Variants in BTD observed in about 807,000 individuals in gnomAD.
The protein encoded by BTD is biotinidase, also known as biocytinase.
In BTD, 13 loss-of-function variants were observed where a neutral mutation model predicts 17.7. That is an observed-to-expected ratio of 0.74 (90% confidence interval 0.48 to 1.17). BTD has a LOEUF of 1.17. BTD is among the 50% of genes most tolerant of loss of function. BTD has a pLI of 0.00. For missense variants in BTD, 674 were observed against 650.4 expected (o/e 1.04, Z -0.39); for synonymous variants, 240 against 245.2 (o/e 0.98, Z 0.20).
chr3:15,643,357 T>A (rs758104785), intron 3 of BTD, among the ~76,000 whole-genome samples: 15 of 152,220 alleles, frequency 9.9e-5, no homozygotes, highest in Non-Finnish European at 1.8e-4. Context: ...AAAAATTAGC[T>A]GGGTGTGGTG....
chr3:15,607,902 G>A (rs1452492169), intron 1 of BTD, among the ~76,000 whole-genome samples: 1 of 152,200 alleles, frequency 6.6e-6, no homozygotes, highest in African/African-American at 2.4e-5. Flanking sequence ...GTAATGAAAA[G>A]GTTCTTTGAA....
At chr3:15,601,548 C>T, upstream of BTD, 4 of 1,604,690 alleles carry the variant, frequency 2.5e-6, no homozygotes, top group Non-Finnish European at 3.4e-6. Flanking sequence ...CGGCAGCACG[C>T]CACCTCTGGT....
chr3:15,652,931 A>G lies in BTD; in HGVS notation c.*7443A>G, dbSNP rs1411151135. 6.6e-6 allele frequency among the ~76,000 whole-genome samples: 1 copy of G among 152,168 alleles called. No individual in the cohort carries two copies. Among genetic ancestry groups the G allele is most frequent in the African/African-American group, 2.4e-5 (1 of 41,400 alleles). On this transcript the variant is annotated 3_prime_UTR_variant, in exon 4 of 4. Coordinates refer to ENST00000643237, the MANE Select transcript of BTD (RefSeq NM_001370658.1). Reference sequence around the variant, plus strand: ...CAGGGAGATGTTCTCAGATAGAGGGAGAACAACAAAAAGAAGGGTCCATGC... The same window carrying G: ...CAGGGAGATGTTCTCAGATAGAGGGGGAACAACAAAAAGAAGGGTCCATGC...
At chr3:15,627,367 T>C (rs1323221750) in intron 1 of BTD, among the ~76,000 whole-genome samples, 1 of 152,182 alleles carries the variant, frequency 6.6e-6, no homozygotes, top group African/African-American at 2.4e-5. Flanking sequence ...GGACTACAAG[T>C]GCATGCCACC....
chr3:15,699,546 AAAAC>A (rs2070227386), intron 3 of BTD, among the ~76,000 whole-genome samples: 1 of 151,648 alleles, frequency 6.6e-6, no homozygotes, highest in African/African-American at 2.4e-5. Context: ...TCACAAGAAA[AAAAC>A]AACCCCATGA....
chr3:15,713,633 T>C (rs1327814911), downstream of BTD: 2 of 1,601,412 alleles, frequency 1.2e-6, no homozygotes, highest in Admixed American at 1.7e-5. Context: ...TCACAGTCGA[T>C]TACAGCTCCT....
At chr3:15,626,761 A>G (rs2065074583) in intron 1 of BTD, among the ~76,000 whole-genome samples, 2 of 148,858 alleles carry the variant, frequency 1.3e-5, no homozygotes, top group Admixed American at 6.7e-5. Flanking sequence ...AGCCTGGGCA[A>G]CAGAGCAAGA....
intron 3 of BTD, among the ~76,000 whole-genome samples, chr3:15,671,743 C>A (rs1432076776): frequency 2.0e-5 from 3 of 151,922 alleles, no homozygotes; most frequent in African/African-American, 4.8e-5. Flanking sequence ...GCCACCATGA[C>A]CAGCTAATTT....
chr3:15,708,060 G>C (rs532228389), intron 3 of BTD: 5 of 1,601,696 alleles, frequency 3.1e-6, no homozygotes, highest in Non-Finnish European at 3.4e-6. Flanking sequence ...TAGTGCAGTG[G>C]AGATCTTTTG....
downstream of BTD, among the ~76,000 whole-genome samples, chr3:15,712,855 T>G (rs542182819): frequency 2.6e-5 from 4 of 152,330 alleles, no homozygotes; most frequent in East Asian, 7.7e-4. Flanking sequence ...CTCATGTAAT[T>G]TTTTTGGAAA....
At chr3:15,690,188 C>T (rs1474329334) in intron 3 of BTD, 1 of 1,606,206 alleles carries the variant, frequency 6.2e-7, no homozygotes, top group South Asian at 1.1e-5. Flanking sequence ...ACTGTACCAA[C>T]ACTTCCAGTG....
At chr3:15,630,390 A>G (rs2065177052) in intron 1 of BTD, among the ~76,000 whole-genome samples, 2 of 152,238 alleles carry the variant, frequency 1.3e-5, no homozygotes, top group South Asian at 4.1e-4. Context: ...TTCTGTCTAT[A>G]GAAAGTGAAA....
downstream of BTD, chr3:15,714,598 G>C: frequency 6.3e-7 from 1 of 1,587,784 alleles, no homozygotes; most frequent in Non-Finnish European, 8.6e-7. Flanking sequence ...AATGGTTTGT[G>C]ATCGGGAGAA....
At chr3:15,719,001 CA>C (rs1160932878) in intron 4 of BTD, among the ~76,000 whole-genome samples, 9 of 152,118 alleles carry the variant, frequency 5.9e-5, no homozygotes, top group African/African-American at 2.2e-4. Flanking sequence ...ATAAGCAGTT[CA>C]AACCTGTAAT....
chr3:15,664,909 A>C (rs376622122), intron 3 of BTD, among the ~76,000 whole-genome samples: 2 of 152,168 alleles, frequency 1.3e-5, no homozygotes, highest in Non-Finnish European at 2.9e-5. Context: ...ATTAAGTACG[A>C]CGCCTATTAC....
At chr3:15,708,002 G>A (rs750926049) in intron 3 of BTD, 14 of 1,611,300 alleles carry the variant, frequency 8.7e-6, no homozygotes, top group Non-Finnish European at 1.2e-5. Context: ...ACTTGCTCCT[G>A]ATCCCACAAG....
At chr3:15,659,254 A>G (rs950205541) in intron 3 of BTD, among the ~76,000 whole-genome samples, 2 of 152,146 alleles carry the variant, frequency 1.3e-5, no homozygotes, top group African/African-American at 4.8e-5. Flanking sequence ...TGCTGTGCTT[A>G]TAATGAAGGT....
intron 3 of BTD, chr3:15,675,758 C>T: frequency 1.6e-6 from 1 of 640,568 alleles, no homozygotes; most frequent in East Asian, 3.1e-5. Flanking sequence ...GCCCTTATTC[C>T]TTTGCCACAA....
rs1015920870 is a variant in BTD, at chr3:15,652,967, T to G, written c.*7479T>G. On this transcript the variant is annotated 3_prime_UTR_variant, in exon 4 of 4. Coordinates refer to ENST00000643237, the MANE Select transcript of BTD (RefSeq NM_001370658.1). ...AAGAAGGGTCCATGCTGAACAAACT[T>G]GTTTGCTTTGAAATCGGAAGTTCTA... Among the ~76,000 whole-genome samples, 3 of 152,296 alleles carry G rather than the reference T, an allele frequency of 2.0e-5. No individual in the cohort carries two copies. The highest frequency in any genetic ancestry group is 2.1e-4 in the South Asian group (1 of 4,824).
Sources: gnomAD v4.1 joint callset for allele counts (sites outside exome capture counted in the v4.1 genomes callset) on GRCh38, gnomAD v4.1.1 for gene constraint, MANE v1.5 for transcripts, NCBI Gene and HGNC (gene_info 2026-07-23, HGNC 2026-07-21) for gene names.